Variants in DGKB observed in about 807,000 individuals in gnomAD.
DGKB encodes diacylglycerol kinase beta.
A neutral mutation model predicts 114.3 loss-of-function variants in DGKB; 67 were observed. The ratio of observed to expected loss-of-function variants is 0.59; its 90% CI spans 0.48 to 0.72. DGKB has a LOEUF of 0.72. DGKB is among the 30% of genes least tolerant of loss of function. The pLI is 0.00. For synonymous variants in DGKB, 398 were observed against 323.1 expected (o/e 1.23, Z -2.49); for missense variants, 907 against 975.2 (o/e 0.93, Z 0.93).
intron 20 of DGKB, among the ~76,000 whole-genome samples, chr7:14,534,800 C>T (rs1014011780): frequency 1.1e-4 from 16 of 152,050 alleles, no homozygotes; most frequent in African/African-American, 7.2e-5. Flanking sequence ...ATATTAGTCA[C>T]GAAACAAATC....
rs1383077289 is a variant in DGKB at position 14,364,097 on chromosome 7, G to C, written c.1836-18706C>G. On this transcript the variant is annotated intron_variant, in intron 21 of 25. Transcript: ENST00000402815. ...CAATACAAAGAATATGCAAAATTTT[G>C]AAAGTGACGAAATTTTTCTGACACT... is the stretch of plus-strand genomic sequence containing the variant. Among the ~76,000 whole-genome samples, 10 of 152,062 alleles carry C rather than the reference G, an allele frequency of 6.6e-5. No individual in the cohort carries two copies. In the East Asian group the frequency reaches 1.9e-3, roughly 29 times the overall value.
intron 1 of DGKB, among the ~76,000 whole-genome samples, chr7:14,938,570 T>C (rs984338087): frequency 6.6e-5 from 10 of 152,214 alleles, no homozygotes; most frequent in Admixed American, 2.0e-4. Flanking sequence ...CCAAAATCAC[T>C]ATTCAAAATC....
At chr7:14,353,191 C>A (rs1163536312) in intron 21 of DGKB, among the ~76,000 whole-genome samples, 6 of 151,986 alleles carry the variant, frequency 3.9e-5, no homozygotes, top group Non-Finnish European at 1.5e-5. Flanking sequence ...TCACTTGAAC[C>A]TTTTTTTCCT....
Position 14,512,456 on chromosome 7 carries a change from C to T in DGKB, c.1771-34231G>A, listed in dbSNP as rs550287387. The stretch of plus-strand genomic sequence containing the variant: ...TAACATGTTAAGAGATAGCCTTACT[C>T]TTAAAGTTCAACTTGTACATCAGAT... On this transcript the variant is annotated intron_variant, in intron 20 of 25. Transcript: ENST00000402815. Among the ~76,000 whole-genome samples, 3 of 152,254 alleles carry T rather than the reference C, an allele frequency of 2.0e-5. No homozygotes were observed. The South Asian group carries it at 6.2e-4, about 32-fold the overall frequency.
In DGKB at chr7:14,499,643, C is replaced by T. The variant is rs115797726; in HGVS notation, c.1771-21418G>A. 2.9e-3 allele frequency among the ~76,000 whole-genome samples: 436 copies of T among 151,818 alleles called. 1 individual carries two copies. The highest frequency in any genetic ancestry group is 0.01 in the African/African-American group (418 of 41,482). ...CTTTTTACAAGCAAGGAAACTGAGG[C>T]AACACCTTAAATGGAATGATTTACA... is the stretch of plus-strand genomic sequence containing the variant. On this transcript the variant is annotated intron_variant, in intron 20 of 25. Coordinates refer to ENST00000402815, the MANE Select transcript of DGKB (RefSeq NM_001350709.2).
At chr7:14,509,534 G>C (rs1787650474) in intron 20 of DGKB, among the ~76,000 whole-genome samples, 1 of 152,196 alleles carries the variant, frequency 6.6e-6, no homozygotes, top group African/African-American at 2.4e-5. Flanking sequence ...CTTTGCTCAA[G>C]GAAATTCACA....
At chr7:14,817,177 T>C (rs543790973) in intron 2 of DGKB, among the ~76,000 whole-genome samples, 1 of 152,290 alleles carries the variant, frequency 6.6e-6, no homozygotes, top group African/African-American at 2.4e-5. Context: ...TCACTTCTGA[T>C]AATATTGCGT....
intron 23 of DGKB, among the ~76,000 whole-genome samples, chr7:14,205,068 G>A (rs759901006): frequency 4.9e-4 from 75 of 151,926 alleles, no homozygotes; most frequent in Admixed American, 1.0e-3. Context: ...TATCTTACAG[G>A]CTTATTTCCT....
chr7:14,286,980 A>C (rs915334936), intron 23 of DGKB, among the ~76,000 whole-genome samples: 13 of 152,020 alleles, frequency 8.6e-5, no homozygotes, highest in Non-Finnish European at 1.8e-4. Flanking sequence ...ATATATATAC[A>C]CATATTAACT....
intron 17 of DGKB, among the ~76,000 whole-genome samples, chr7:14,595,498 C>T (rs938991836): frequency 4.0e-5 from 6 of 150,582 alleles, no homozygotes; most frequent in Admixed American, 1.3e-4. Flanking sequence ...AGAGTGAATC[C>T]TGATTATGTA....
intron 21 of DGKB, among the ~76,000 whole-genome samples, chr7:14,357,369 T>G (rs1036372788): frequency 6.6e-6 from 1 of 152,192 alleles, no homozygotes; most frequent in African/African-American, 2.4e-5. Context: ...TTTGTCTCTT[T>G]TGATCTTTGT....
intron 23 of DGKB, among the ~76,000 whole-genome samples, chr7:14,310,189 G>A (rs759734103): frequency 7.9e-5 from 12 of 152,172 alleles, no homozygotes; most frequent in Non-Finnish European, 1.0e-4. Context: ...TGGACCACTG[G>A]ACACTCCATT....
rs530843867 is a variant in DGKB at position 14,351,126 on chromosome 7, T to C, written c.1836-5735A>G. On this transcript the variant is annotated intron_variant, in intron 21 of 25. Transcript: ENST00000402815. ...AATGGGAAAGGTTGACTTATAGTAA[T>C]ACTGCAGAGTAAGTGTTTAAAGTGG... Among the ~76,000 whole-genome samples, 4 of 152,356 alleles carry C rather than the reference T, an allele frequency of 2.6e-5. No homozygotes were observed. In the South Asian group the frequency reaches 6.2e-4, roughly 24 times the overall value.
At chr7:14,227,623 AG>A (rs1791019498) in intron 23 of DGKB, among the ~76,000 whole-genome samples, 1 of 152,036 alleles carries the variant, frequency 6.6e-6, no homozygotes, top group Admixed American at 6.6e-5. Flanking sequence ...AGAAAGGAGA[AG>A]GAGGCAGCAA....
At chr7:14,892,145 T>A (rs1482559364) in intron 1 of DGKB, among the ~76,000 whole-genome samples, 1 of 151,366 alleles carries the variant, frequency 6.6e-6, no homozygotes, top group Non-Finnish European at 1.5e-5. Context: ...GTCAAGCTAC[T>A]GGATATTGGT....
At chr7:14,614,757 A>G (rs1585121865) in intron 15 of DGKB, among the ~76,000 whole-genome samples, 1 of 152,100 alleles carries the variant, frequency 6.6e-6, no homozygotes, top group African/African-American at 2.4e-5. Context: ...TTCATATCCA[A>G]CTAGCTCTCA....
chr7:14,177,440 C>G (rs916772209), intron 24 of DGKB, among the ~76,000 whole-genome samples: 13 of 151,220 alleles, frequency 8.6e-5, no homozygotes, highest in Non-Finnish European at 1.6e-4. Context: ...CCTGTAATCC[C>G]AGATACTCGG....
intron 13 of DGKB, among the ~76,000 whole-genome samples, chr7:14,644,260 A>G (rs1288441219): frequency 6.6e-6 from 1 of 152,250 alleles, no homozygotes; most frequent in Admixed American, 6.5e-5. Flanking sequence ...AATTCAAAGA[A>G]GTGACAGCTA....
chr7:14,260,868 C>A (rs1001336597), intron 23 of DGKB, among the ~76,000 whole-genome samples: 3 of 152,122 alleles, frequency 2.0e-5, no homozygotes, highest in Non-Finnish European at 4.4e-5. Flanking sequence ...ATTCATTGCT[C>A]ATGAAGATTT....
Sources: allele counts gnomAD v4.1 joint callset (sites outside exome capture counted in the v4.1 genomes callset), GRCh38; gene constraint gnomAD v4.1.1; transcripts MANE v1.5; gene names NCBI Gene and HGNC (gene_info 2026-07-23, HGNC 2026-07-21).